Variants in YAP1 observed in about 807,000 individuals in gnomAD.
YAP1 encodes the protein transcriptional coactivator YAP1.
Under a neutral mutation model 56.9 loss-of-function variants are expected in YAP1, and 5 were observed. That is an observed-to-expected ratio of 0.09 (90% CI 0.05 to 0.18). The LOEUF is 0.18. Among genes scored for constraint, YAP1 ranks in the 10% least tolerant of loss-of-function variants. The pLI is 1.00. For synonymous variants in YAP1, 265 were observed against 248.1 expected, an observed-to-expected ratio of 1.07 and a Z score of -0.64; for missense variants, 539 against 651.8, an observed-to-expected ratio of 0.83 and a Z score of 1.88.
intron 6 of YAP1, among the ~76,000 whole-genome samples, chr11:102,220,038 G>A (rs1394403122): frequency 1.3e-5 from 2 of 151,480 alleles, no homozygotes; most frequent in Non-Finnish European, 2.9e-5. Flanking sequence ...CCAGCCAATG[G>A]CCTCAGTGTT....
chr11:102,200,040 G>C (rs1000404110), intron 4 of YAP1, among the ~76,000 whole-genome samples: 1 of 152,060 alleles, frequency 6.6e-6, no homozygotes, highest in African/African-American at 2.4e-5. Flanking sequence ...TACTACTAAA[G>C]TTGTACTTTT....
intron 6 of YAP1, among the ~76,000 whole-genome samples, chr11:102,215,787 T>C (rs1949631873): frequency 6.6e-6 from 1 of 152,180 alleles, no homozygotes; most frequent in African/African-American, 2.4e-5. Context: ...CCTGTTAATA[T>C]TTTTATATGC....
intron 4 of YAP1, among the ~76,000 whole-genome samples, chr11:102,192,599 AC>A (rs1948352699): frequency 6.6e-6 from 1 of 152,246 alleles, no homozygotes; most frequent in Non-Finnish European, 1.5e-5. Flanking sequence ...TCAGAAAGAT[AC>A]CTAACTTCTC....
chr11:102,118,154 T>G (rs1943406955), intron 2 of YAP1, among the ~76,000 whole-genome samples: 1 of 152,248 alleles, frequency 6.6e-6, no homozygotes, highest in South Asian at 2.1e-4. Flanking sequence ...TCAGTGATTT[T>G]AAAAGTTTGT....
chr11:102,162,670 C>T, intron 3 of YAP1, 99 bp downstream of exon 3: 1 of 1,139,112 alleles, frequency 8.8e-7, no homozygotes, highest in Non-Finnish European at 1.3e-6. Context: ...GAAACTGGGA[C>T]ATGGTGATGT....
chr11:102,175,438 A>G (rs183551141), intron 3 of YAP1, among the ~76,000 whole-genome samples: 341 of 152,324 alleles, frequency 2.2e-3, no homozygotes, highest in African/African-American at 7.7e-3. Flanking sequence ...CTTGATGTAT[A>G]GACTGCCTTT....
At chr11:102,208,205 A>C (rs1306393845) in intron 5 of YAP1, among the ~76,000 whole-genome samples, 1 of 152,180 alleles carries the variant, frequency 6.6e-6, no homozygotes, top group Admixed American at 6.5e-5. Flanking sequence ...GGGCCCATTC[A>C]TTCTTCCTAA....
chr11:102,147,104 A>C (rs950221323), intron 2 of YAP1, among the ~76,000 whole-genome samples: 1 of 152,192 alleles, frequency 6.6e-6, no homozygotes, highest in African/African-American at 2.4e-5. Flanking sequence ...AGTTCAGCCA[A>C]AATCGTAGAA....
chr11:102,164,076 C>T (rs1490762649), intron 3 of YAP1, among the ~76,000 whole-genome samples: 2 of 149,318 alleles, frequency 1.3e-5, no homozygotes, highest in Non-Finnish European at 3.0e-5. Flanking sequence ...CTCACTCTGT[C>T]ACCCAGGCTG....
intron 2 of YAP1, among the ~76,000 whole-genome samples, chr11:102,148,798 T>C (rs941646129): frequency 6.6e-6 from 1 of 152,122 alleles, no homozygotes; most frequent in Non-Finnish European, 1.5e-5. Flanking sequence ...AGATTTAATA[T>C]AGGAGGAAAT....
At chr11:102,111,810 C>T (rs1042763143) in intron 1 of YAP1, among the ~76,000 whole-genome samples, 1 of 152,084 alleles carries the variant, frequency 6.6e-6, no homozygotes, top group African/African-American at 2.4e-5. Context: ...TTTGCTCTTT[C>T]TTTCCTTCCC....
intron 8 of YAP1, among the ~76,000 whole-genome samples, chr11:102,228,512 G>A (rs1284955865): frequency 1.3e-5 from 2 of 151,754 alleles, no homozygotes; most frequent in Non-Finnish European, 2.9e-5. Context: ...GTATGCACCT[G>A]TAATCCCAGC....
intron 2 of YAP1, among the ~76,000 whole-genome samples, chr11:102,133,119 C>G (rs1255577405): frequency 6.6e-6 from 1 of 152,140 alleles, no homozygotes; most frequent in Admixed American, 6.5e-5. Context: ...GATGGCGCCA[C>G]TGCACTCCAG....
chr11:102,192,210 C>G (rs1427530798), intron 4 of YAP1, among the ~76,000 whole-genome samples: 2 of 152,170 alleles, frequency 1.3e-5, no homozygotes, highest in African/African-American at 4.8e-5. Context: ...GAATACAGCT[C>G]TAATCCCAGC....
chr11:102,164,574 A>G (rs1299019870), intron 3 of YAP1, among the ~76,000 whole-genome samples: 1 of 152,246 alleles, frequency 6.6e-6, no homozygotes, highest in Non-Finnish European at 1.5e-5. Context: ...TTTCGCGTCT[A>G]ACAAGGTTGA....
chr11:102,148,628 T>C (rs1945457124), intron 2 of YAP1, among the ~76,000 whole-genome samples: 1 of 152,196 alleles, frequency 6.6e-6, no homozygotes, highest in Non-Finnish European at 1.5e-5. Context: ...CATTATAAAG[T>C]ATTTATTCAA....
intron 2 of YAP1, among the ~76,000 whole-genome samples, chr11:102,157,603 T>G (rs576999907): frequency 1.3e-5 from 2 of 152,212 alleles, no homozygotes; most frequent in Non-Finnish European, 2.9e-5. Context: ...AGTCAATTTT[T>G]CTTAATAAAA....
intron 3 of YAP1, among the ~76,000 whole-genome samples, chr11:102,183,054 C>T (rs749534976): frequency 5.9e-5 from 9 of 152,188 alleles, no homozygotes; most frequent in Non-Finnish European, 1.2e-4. Flanking sequence ...ATGACTTGAT[C>T]ATTGCCAGGA....
At chr11:102,125,905 C>T (rs1944010182) in intron 2 of YAP1, among the ~76,000 whole-genome samples, 1 of 151,952 alleles carries the variant, frequency 6.6e-6, no homozygotes, top group African/African-American at 2.4e-5. Flanking sequence ...CCCCTGAATG[C>T]CACTGTCTTA....
Sources: gnomAD v4.1 joint callset for allele counts (sites outside exome capture counted in the v4.1 genomes callset) on GRCh38, gnomAD v4.1.1 for gene constraint, MANE v1.5 for transcripts, NCBI Gene and HGNC (gene_info 2026-07-23, HGNC 2026-07-21) for gene names.